The following GLIPR2 variants were observed in gnomAD, a reference collection of about 807,000 sequenced individuals.
GLIPR2 encodes Golgi-associated plant pathogenesis-related protein 1.
In GLIPR2, 21 loss-of-function variants were observed where a neutral mutation model predicts 20.4. That is an observed-to-expected ratio of 1.03 (90% CI 0.73 to 1.48). The LOEUF (loss-of-function observed/expected upper bound fraction) is 1.48, where lower values mean the gene tolerates loss of function less well. Among genes scored for constraint, GLIPR2 ranks in the 40% most tolerant of loss-of-function variants. GLIPR2 has a pLI of 0.00. For synonymous variants in GLIPR2, 91 were observed against 80.5 expected (o/e 1.13, Z -0.70); for missense variants, 205 against 200.1 (o/e 1.02, Z -0.15).
At chr9:36,157,109 C>T (rs1419663551) in intron 4 of GLIPR2, among the ~76,000 whole-genome samples, 3 of 151,352 alleles carry the variant, frequency 2.0e-5, no homozygotes, top group Non-Finnish European at 4.4e-5. Flanking sequence ...CTCTGCCTCC[C>T]GAGTTCAAGC....
Position 36,163,823 on chromosome 9 carries a change from G to A in GLIPR2, c.*1301G>A, listed in dbSNP as rs1474623280. ...AAAGCAGCTCCTGAAGGTCTGTGTT[G>A]CACTGTCACCAGTCTCAAGCTATGC... On this transcript the variant is annotated 3_prime_UTR_variant, in exon 5 of 5. Transcript: ENST00000377960. 6.5e-6 allele frequency: 1 copy of A among 152,726 alleles called. No homozygotes were observed. Among genetic ancestry groups the A allele is most frequent in the Non-Finnish European group, 1.5e-5 (1 of 68,076 alleles). 9.5% of individuals were successfully genotyped at this position (152,726 alleles called of 1,614,324 possible).
intron 1 of GLIPR2, 142 bp from the exon 2 acceptor site, chr9:36,147,644 T>G (rs1302248334): frequency 1.5e-6 from 1 of 667,466 alleles, no homozygotes; most frequent in Non-Finnish European, 2.8e-6. Context: ...GCCACTTGGC[T>G]GGGGTGCCAG....
At chr9:36,140,181 T>C (rs1364558719) in intron 1 of GLIPR2, among the ~76,000 whole-genome samples, 1 of 152,152 alleles carries the variant, frequency 6.6e-6, no homozygotes, top group African/African-American at 2.4e-5. Context: ...CCTGCCAGCC[T>C]GAACTCTAGG....
At chr9:36,152,812 T>C (rs1825653332) in intron 4 of GLIPR2, among the ~76,000 whole-genome samples, 1 of 147,268 alleles carries the variant, frequency 6.8e-6, no homozygotes, top group African/African-American at 2.5e-5. Flanking sequence ...AGGATACCAT[T>C]TGAAAGTAGG....
intron 4 of GLIPR2, among the ~76,000 whole-genome samples, chr9:36,157,711 CACAT>C (rs746928426): frequency 6.7e-6 from 1 of 148,510 alleles, no homozygotes; most frequent in South Asian, 2.1e-4. Context: ...CACACACACA[CACAT>C]ATATATATAC....
At chr9:36,136,631 T>C (rs1824825912), upstream of GLIPR2, 3 of 539,842 alleles carry the variant, frequency 5.6e-6, no homozygotes, top group Non-Finnish European at 8.2e-6. This position sits in a 1 kb window ranked among gnomAD's most constrained non-coding sequence, Gnocchi z 4.3. Context: ...GCCTCCGCCC[T>C]CAGCTGTCGC....
intron 1 of GLIPR2, among the ~76,000 whole-genome samples, chr9:36,139,697 C>T (rs1824987218): frequency 6.6e-6 from 1 of 152,208 alleles, no homozygotes; most frequent in African/African-American, 2.4e-5. Flanking sequence ...TCTTTAACCT[C>T]AGATACACCC....
chr9:36,145,356 CT>C (rs1461093463), intron 1 of GLIPR2, among the ~76,000 whole-genome samples: 2 of 152,226 alleles, frequency 1.3e-5, no homozygotes, highest in Middle Eastern at 3.2e-3. Flanking sequence ...CTCCAAGTTC[CT>C]TTTGCACCTG....
At chr9:36,141,845 G>C (rs1274618830) in intron 1 of GLIPR2, 1 of 452,486 alleles carries the variant, frequency 2.2e-6, no homozygotes, top group African/African-American at 2.0e-5. Context: ...GTCCTCCTCA[G>C]AATCTCTACA....
intron 4 of GLIPR2, among the ~76,000 whole-genome samples, chr9:36,152,781 C>T (rs1170272589): frequency 7.1e-6 from 1 of 141,812 alleles, no homozygotes; most frequent in Non-Finnish European, 1.5e-5. Flanking sequence ...AAAAAGGTGC[C>T]TCCACTGCCA....
intron 4 of GLIPR2, among the ~76,000 whole-genome samples, chr9:36,151,609 G>C (rs1467552674): frequency 3.3e-5 from 5 of 152,262 alleles, no homozygotes; most frequent in Middle Eastern, 3.4e-3. Context: ...CCAGGGGAGA[G>C]GGAGAAGGTG....
At chr9:36,147,664 G>C (rs572681195) in intron 1 of GLIPR2, 122 bp from the exon 2 acceptor site, 2 of 684,508 alleles carry the variant, frequency 2.9e-6, no homozygotes, top group East Asian at 2.6e-5. Flanking sequence ...GGTGTTGGAG[G>C]GGAGCAGCAG....
At chr9:36,136,665 G>A, upstream of GLIPR2, 4 of 776,936 alleles carry the variant, frequency 5.1e-6, no homozygotes, top group Non-Finnish European at 6.9e-6. The surrounding 1 kb of genome is among the most constrained non-coding windows in gnomAD (Gnocchi z 4.3). Context: ...GGGGCCGGGC[G>A]GCGCCGGAGG....
intron 1 of GLIPR2, among the ~76,000 whole-genome samples, chr9:36,142,895 G>A (rs1825150174): frequency 6.6e-6 from 1 of 151,834 alleles, no homozygotes. Flanking sequence ...GTGGTTGTGG[G>A]GCCCTTATGC....
intron 4 of GLIPR2, among the ~76,000 whole-genome samples, chr9:36,157,193 T>C (rs1038436093): frequency 1.7e-4 from 26 of 149,268 alleles, no homozygotes; most frequent in Non-Finnish European, 3.0e-4. Flanking sequence ...ATTTTTTTTT[T>C]TTTTTTTTGT....
chr9:36,162,648 C>T lies in GLIPR2; in HGVS notation c.*126C>T, dbSNP rs1199958826. ...TGCTTGTGTGTGTGATGCATGTGAGCGTCTCTGGCACACACACTTGGACAT... is the reference window on the plus strand; with the variant it reads ...TGCTTGTGTGTGTGATGCATGTGAGTGTCTCTGGCACACACACTTGGACAT... On this transcript the variant is annotated 3_prime_UTR_variant, in exon 5 of 5. Transcript: ENST00000377960. 38 of 862,966 alleles carry T rather than the reference C, an allele frequency of 4.4e-5. 1 individual carries two copies. Among genetic ancestry groups the T allele is most frequent in the South Asian group, 3.5e-4 (24 of 68,076 alleles). 53.5% of individuals were successfully genotyped at this position (862,966 alleles called of 1,614,324 possible). A position where few individuals can be genotyped will look rare whatever the true frequency, so the allele number is the denominator to read the frequency against.
chr9:36,136,989 C>G lies in GLIPR2; in HGVS notation c.13+198C>G. The G allele has an allele frequency of 1.9e-6, 1 of 540,200 alleles. No individual in the cohort carries two copies. Among genetic ancestry groups the G allele is most frequent in the Non-Finnish European group, 2.8e-6 (1 of 358,360 alleles). 33.5% of individuals were successfully genotyped at this position (540,200 alleles called of 1,614,324 possible). On this transcript the variant is annotated intron_variant, in intron 1 of 4. Coordinates refer to ENST00000377960, the MANE Select transcript of GLIPR2 (RefSeq NM_022343.4). The surrounding 1 kb of genome is among the most constrained non-coding windows in gnomAD (Gnocchi z 4.3). ...AGGCGAGCCCGAGGGAGGCCCCCGC[C>G]GGAGAGCCGGGGATCGCGCCAAGTT... is the stretch of plus-strand genomic sequence containing the variant.
chr9:36,136,877 G>T lies in GLIPR2; in HGVS notation c.13+86G>T. On this transcript the variant is annotated intron_variant, in intron 1 of 4. Coordinates refer to ENST00000377960, the MANE Select transcript of GLIPR2 (RefSeq NM_022343.4). The surrounding 1 kb of genome is among the most constrained non-coding windows in gnomAD (Gnocchi z 4.3). ...CGTCTCCCTCGTCCGCCGCAAGCCA[G>T]GTCCTGGGGAGTGCGGGAGCCCGGG... 1 of 1,230,294 alleles carries T rather than the reference G, an allele frequency of 8.1e-7. No individual in the cohort carries two copies. The highest frequency in any genetic ancestry group is 3.2e-5 in the East Asian group (1 of 31,412). The allele number at this position is 1,230,294 out of a possible 1,614,324, so 76.2% of individuals were successfully genotyped here. A position where few individuals can be genotyped will look rare whatever the true frequency, so the allele number is the denominator to read the frequency against.
chr9:36,154,607 T>C (rs1323923689), intron 4 of GLIPR2, among the ~76,000 whole-genome samples: 2 of 152,118 alleles, frequency 1.3e-5, no homozygotes, highest in African/African-American at 4.8e-5. Flanking sequence ...TGTCATCCCT[T>C]TAGGAAAAAG....
Sources: gnomAD v4.1 joint callset for allele counts (sites outside exome capture counted in the v4.1 genomes callset) on GRCh38, gnomAD v4.1.1 for gene constraint, Gnocchi (gnomAD v3.1) non-coding constraint, MANE v1.5 for transcripts, NCBI Gene and HGNC (gene_info 2026-07-23, HGNC 2026-07-21) for gene names.